SIAH1: variants seen among roughly 807,000 people sequenced by gnomAD.
The protein encoded by SIAH1 is E3 ubiquitin-protein ligase SIAH1.
SIAH1 carries 2 observed loss-of-function variants against 20.0 expected under a neutral mutation model. The ratio of observed to expected loss-of-function variants is 0.10; its 90% CI spans 0.04 to 0.31. The LOEUF (loss-of-function observed/expected upper bound fraction) is 0.31, where lower values mean the gene tolerates loss of function less well. Among genes scored for constraint, SIAH1 ranks in the 10% least tolerant of loss-of-function variants. The pLI is 1.00. For synonymous variants in SIAH1, 118 were observed against 125.3 expected (o/e 0.94, Z 0.39); for missense variants, 119 against 355.3 (o/e 0.33, Z 5.35).
intron 1 of SIAH1, among the ~76,000 whole-genome samples, chr16:48,369,120 A>G (rs1960919919): frequency 6.6e-6 from 1 of 152,262 alleles, no homozygotes; most frequent in African/African-American, 2.4e-5. Context: ...CCAAAAGTTA[A>G]AAAATCAAAC....
chr16:48,370,805 CAA>C (rs79073186), intron 1 of SIAH1, among the ~76,000 whole-genome samples: 2 of 125,334 alleles, frequency 1.6e-5, no homozygotes. Flanking sequence ...GACTCCATCT[CAA>C]AAAAAAAAAA....
chr16:48,365,426 A>T (rs765979614), intron 1 of SIAH1: 9 of 1,613,936 alleles, frequency 5.6e-6, no homozygotes, highest in Non-Finnish European at 7.6e-6. Flanking sequence ...AAACATGTGA[A>T]CAAGACTCCC....
rs751352801 is a variant in SIAH1 at position 48,360,646 on chromosome 16, C to T, written c.*934G>A. 4 of 152,504 alleles carry T rather than the reference C, an allele frequency of 2.6e-5. No individual in the cohort carries two copies. The South Asian group carries it at 8.3e-4, about 32-fold the overall frequency. 9.4% of individuals were successfully genotyped at this position (152,504 alleles called of 1,614,324 possible). ...TTTTAATTACAAATACTGTGCATGA[C>T]GATGCCTTCTTCTGCAAAACCAATA... is the stretch of plus-strand genomic sequence containing the variant. On this transcript the variant is annotated 3_prime_UTR_variant, in exon 2 of 2. Transcript: ENST00000394725.
At chr16:48,380,699 G>A (rs1302701484) in intron 1 of SIAH1, among the ~76,000 whole-genome samples, 2 of 151,758 alleles carry the variant, frequency 1.3e-5, no homozygotes, top group East Asian at 1.9e-4. Flanking sequence ...CGAGGTGGGC[G>A]AATCACTTGA....
intron 1 of SIAH1, among the ~76,000 whole-genome samples, chr16:48,376,079 CTAACTT>C (rs1961102888): frequency 6.6e-6 from 1 of 152,122 alleles, no homozygotes; most frequent in South Asian, 2.1e-4. Flanking sequence ...ATCAAAGAAA[CTAACTT>C]TAAAATATCT....
rs558826335 is a variant in SIAH1, at chr16:48,380,405, T to C, written c.-3+4799A>G. Among the ~76,000 whole-genome samples, 3 of 150,970 alleles carry C rather than the reference T, an allele frequency of 2.0e-5. No homozygotes were observed. The East Asian group carries it at 5.9e-4, about 30-fold the overall frequency. ...GAGGCGGAGGTTGCAGTTAGCTGAG[T>C]TGGCGCCACCGCACTCCAGTCTGGA... On this transcript the variant is annotated intron_variant, in intron 1 of 1. Transcript: ENST00000394725.
In SIAH1 at chr16:48,384,888, G is replaced by GCCGGGCCGCCGCCGAGGC. The variant is rs1209475404; in HGVS notation, c.-3+298_-3+315dup. ...GGGCCCGCCTCCCGGGCGCGCGGGG[G>GCCGGGCCGCCGCCGAGGC]CCGGGCCGCCGCCGAGGCCCTTCCC... On this transcript the variant is annotated intron_variant, in intron 1 of 1. Transcript: ENST00000394725. 8.5e-3 allele frequency among the ~76,000 whole-genome samples: 1,234 copies of GCCGGGCCGCCGCCGAGGC among 145,330 alleles called. 5 individuals carry two copies. Among genetic ancestry groups the GCCGGGCCGCCGCCGAGGC allele is most frequent in the Non-Finnish European group, 0.015 (980 of 65,388 alleles).
intron 1 of SIAH1, among the ~76,000 whole-genome samples, chr16:48,382,628 T>C (rs1961328117): frequency 6.6e-6 from 1 of 152,164 alleles, no homozygotes; most frequent in African/African-American, 2.4e-5. Flanking sequence ...GAAAATTTCC[T>C]TTTTTGGCGG....
At chr16:48,374,930 G>A (rs974005003) in intron 1 of SIAH1, among the ~76,000 whole-genome samples, 7 of 152,200 alleles carry the variant, frequency 4.6e-5, no homozygotes, top group African/African-American at 1.2e-4. Context: ...AAGAGTTAAA[G>A]TCACAAACGG....
In SIAH1 at chr16:48,360,852, CT is replaced by C. The variant is rs1233544832; in HGVS notation, c.*727del. The C allele has an allele frequency of 1.3e-5, 2 of 152,230 alleles. No individual in the cohort carries two copies. Among genetic ancestry groups the C allele is most frequent in the Admixed American group, 6.5e-5 (1 of 15,284 alleles). 9.4% of individuals were successfully genotyped at this position (152,230 alleles called of 1,614,324 possible). ...AGCACCTTATAGATGCTTTAAATAG[CT>C]TTTGATTATTTTTCCGATGTCACCT... is the stretch of plus-strand genomic sequence containing the variant. On this transcript the variant is annotated 3_prime_UTR_variant, in exon 2 of 2. Coordinates refer to ENST00000394725, the MANE Select transcript of SIAH1 (RefSeq NM_003031.4).
chr16:48,365,210 A>G, intron 1 of SIAH1: 1 of 645,354 alleles, frequency 1.5e-6, no homozygotes, highest in South Asian at 2.0e-5. Context: ...AGAAGTCATG[A>G]CGTAACCTGA....
chr16:48,379,989 G>A (rs574887505), intron 1 of SIAH1, among the ~76,000 whole-genome samples: 7 of 152,318 alleles, frequency 4.6e-5, no homozygotes, highest in Admixed American at 3.3e-4. Flanking sequence ...TTAAACTGCA[G>A]TAGGAAAACT....
At chr16:48,363,938 A>ATTT in intron 1 of SIAH1, 1 of 124,532 alleles carries the variant, frequency 8.0e-6, no homozygotes, top group Non-Finnish European at 1.8e-5. Context: ...CTAAGCCATA[A>ATTT]TCTTTTTTTT....
rs780812066 is a variant in SIAH1, at chr16:48,362,366, C to T, written c.63G>A (p.Arg21=). ...TGTSKCPPSQ[R]VPALTGTTAS... Reference sequence around the variant, plus strand: ...CAGTTGTGCCAGTCAGGGCAGGCACCCTCTGGGATGGTGGACACTTCGAGG... The same window carrying T: ...CAGTTGTGCCAGTCAGGGCAGGCACTCTCTGGGATGGTGGACACTTCGAGG... The change falls in exon 2 of 2, where the codon AGG becomes AGA. Residue 21 remains arginine (R), a synonymous_variant. Coordinates refer to ENST00000394725, the MANE Select transcript of SIAH1 (RefSeq NM_003031.4). This position sits in a 1 kb window ranked among gnomAD's most constrained non-coding sequence, Gnocchi z 4.2. 155 of 1,613,972 alleles carry T rather than the reference C, an allele frequency of 9.6e-5. No individual in the cohort carries two copies. The South Asian group carries it at 1.6e-3, about 17-fold the overall frequency.
At chr16:48,382,142 C>T (rs1459446584) in intron 1 of SIAH1, among the ~76,000 whole-genome samples, 2 of 152,078 alleles carry the variant, frequency 1.3e-5, no homozygotes, top group African/African-American at 2.4e-5. Context: ...TTTGGGAGTC[C>T]GAGGTGGGCG....
chr16:48,384,390 C>A (rs879520121), intron 1 of SIAH1, among the ~76,000 whole-genome samples: 8 of 152,142 alleles, frequency 5.3e-5, no homozygotes, highest in Non-Finnish European at 1.2e-4. Flanking sequence ...GAAAACGAAC[C>A]TACGCATCGG....
rs941033303 is a variant in SIAH1 at position 48,362,582 on chromosome 16, A to G, written c.-2-152T>C. On this transcript the variant is annotated intron_variant, in intron 1 of 1. Coordinates refer to ENST00000394725, the MANE Select transcript of SIAH1 (RefSeq NM_003031.4). The surrounding 1 kb of genome is among the most constrained non-coding windows in gnomAD (Gnocchi z 4.2). Reference sequence around the variant, plus strand: ...AAAATAGGATTAAAAAAGATATTAAAAAAATAAAATTACACTGAATGTGCA... The same window carrying G: ...AAAATAGGATTAAAAAAGATATTAAGAAAATAAAATTACACTGAATGTGCA... 16 of 757,280 alleles carry G rather than the reference A, an allele frequency of 2.1e-5. No individual in the cohort carries two copies. The Admixed American group carries it at 2.4e-4, about 11-fold the overall frequency. The allele number at this position is 757,280 out of a possible 1,614,324, so 46.9% of individuals were successfully genotyped here. A position where few individuals can be genotyped will look rare whatever the true frequency, so the allele number is the denominator to read the frequency against.
chr16:48,378,698 C>T (rs1961176032), intron 1 of SIAH1, among the ~76,000 whole-genome samples: 1 of 152,182 alleles, frequency 6.6e-6, no homozygotes, highest in Non-Finnish European at 1.5e-5. Flanking sequence ...TCAGCTAACA[C>T]TTCACAGCAT....
chr16:48,383,233 AAAC>A (rs1360335225), intron 1 of SIAH1, among the ~76,000 whole-genome samples: 1 of 152,232 alleles, frequency 6.6e-6, no homozygotes, highest in Non-Finnish European at 1.5e-5. Flanking sequence ...AACGAAAAAA[AAAC>A]TGTTTGGCAT....
Sources: gnomAD v4.1 joint callset for allele counts (sites outside exome capture counted in the v4.1 genomes callset) on GRCh38, gnomAD v4.1.1 for gene constraint, Gnocchi (gnomAD v3.1) non-coding constraint, MANE v1.5 for transcripts, NCBI Gene and HGNC (gene_info 2026-07-23, HGNC 2026-07-21) for gene names.